CAST: variants seen among roughly 807,000 people sequenced by gnomAD.
CAST encodes calpastatin.
In CAST, 76 loss-of-function variants were observed where a neutral mutation model predicts 119.6. The observed-to-expected ratio is 0.64, with a 90% CI of 0.53 to 0.77. CAST has a LOEUF of 0.77. CAST is among the 30% of genes least tolerant of loss of function. The pLI, the probability that CAST is intolerant of heterozygous loss-of-function variation, is 0.00. For missense variants in CAST, 953 were observed against 946.5 expected (o/e 1.01, Z -0.09); for synonymous variants, 319 against 331.6 (o/e 0.96, Z 0.41).
At chr5:96,050,630 G>A in the CAST span, among the ~76,000 whole-genome samples, 2 of 152,240 alleles carry the variant, frequency 1.3e-5, no homozygotes, top group East Asian at 1.9e-4. Context: ...AAGAGTAGAC[G>A]TGGTTTTATT....
the CAST span, among the ~76,000 whole-genome samples, chr5:96,251,875 A>G: frequency 6.6e-6 from 1 of 152,184 alleles, no homozygotes; most frequent in Non-Finnish European, 1.5e-5. Flanking sequence ...AATGCTGACA[A>G]TTAACATCAC....
At chr5:96,009,014 T>TC in the CAST span, among the ~76,000 whole-genome samples, 11 of 152,274 alleles carry the variant, frequency 7.2e-5, no homozygotes, top group African/African-American at 2.6e-4. Context: ...TGTGATTATG[T>TC]CCATGTGTGC....
intron 25 of CAST, among the ~76,000 whole-genome samples, chr5:96,764,234 A>G (rs1043107560): frequency 1.3e-5 from 2 of 152,170 alleles, no homozygotes; most frequent in African/African-American, 4.8e-5. Flanking sequence ...CTAACATACA[A>G]CTAGTATTGT....
In CAST at chr5:96,662,472, C is replaced by T; in HGVS notation, c.50C>T (p.Ala17Val). The T allele has an allele frequency of 7.0e-7, 1 of 1,430,394 alleles. No individual in the cohort carries two copies. The highest frequency in any genetic ancestry group is 9.1e-7 in the Non-Finnish European group (1 of 1,096,036). The allele number at this position is 1,430,394 out of a possible 1,614,324, so 88.6% of individuals were successfully genotyped here. Residue 17 changes from alanine to valine, a missense_variant, in exon 1 of 32, where the codon GCA becomes GTA. Physicochemically the swap from Ala to Val is moderately conservative, Grantham distance 64. Transcript: ENST00000675179. ...KPAASPRPRR[A>V]AAARRTHEHV... Reference sequence around the variant, plus strand: ...GCCGCCTCCCCGCGGCCCCGGCGAGCAGCCGCCGCCCGCCGCACCCATGAG... The same window carrying T: ...GCCGCCTCCCCGCGGCCCCGGCGAGTAGCCGCCGCCCGCCGCACCCATGAG...
intron 3 of CAST, among the ~76,000 whole-genome samples, chr5:96,719,405 C>T (rs1396916618): frequency 2.6e-5 from 4 of 152,228 alleles, no homozygotes; most frequent in African/African-American, 9.6e-5. Context: ...AAGCTGTCCT[C>T]CCATCTCGGC....
the CAST span, among the ~76,000 whole-genome samples, chr5:96,024,294 C>T: frequency 1.3e-5 from 2 of 152,166 alleles, no homozygotes; most frequent in Non-Finnish European, 2.9e-5. Flanking sequence ...CAGAAGGTAG[C>T]GGTGGGGAGG....
the CAST span, among the ~76,000 whole-genome samples, chr5:96,353,887 A>C: frequency 6.3e-4 from 96 of 152,256 alleles, no homozygotes; most frequent in South Asian, 2.1e-3. Flanking sequence ...ATCTGTCTCT[A>C]TCTCGATCAT....
chr5:96,657,464 G>T (rs577546452), upstream of CAST, among the ~76,000 whole-genome samples: 11 of 152,076 alleles, frequency 7.2e-5, no homozygotes, highest in South Asian at 2.3e-3. Flanking sequence ...TGAGTGGGAG[G>T]GAGTAGGTTA....
chr5:96,501,430 A>G, the CAST span, among the ~76,000 whole-genome samples: 1 of 152,238 alleles, frequency 6.6e-6, no homozygotes, highest in Non-Finnish European at 1.5e-5. Flanking sequence ...AACAACGTTA[A>G]TATCTGACAA....
chr5:96,558,788 G>C (rs1399477776), intron 1 of CAST, among the ~76,000 whole-genome samples: 1 of 152,202 alleles, frequency 6.6e-6, no homozygotes, highest in Non-Finnish European at 1.5e-5. Flanking sequence ...ATGAGGAGGA[G>C]CTAGTACCAT....
chr5:96,220,927 G>T, the CAST span, among the ~76,000 whole-genome samples: 2 of 152,264 alleles, frequency 1.3e-5, 1 homozygote, highest in Admixed American at 1.3e-4. Flanking sequence ...AGGAAGAGTT[G>T]CATCACTCCC....
At chr5:96,453,847 C>T in the CAST span, among the ~76,000 whole-genome samples, 33 of 152,014 alleles carry the variant, frequency 2.2e-4, no homozygotes, top group South Asian at 5.4e-3. Context: ...CAAAGATAGA[C>T]AAAGTAGCAT....
chr5:96,364,609 G>A, the CAST span, among the ~76,000 whole-genome samples: 19 of 152,256 alleles, frequency 1.2e-4, no homozygotes, highest in East Asian at 1.3e-3. Context: ...GTTTGTTTGC[G>A]TAGAGCTGTT....
chr5:96,209,772 A>G, the CAST span, among the ~76,000 whole-genome samples: 2 of 143,838 alleles, frequency 1.4e-5, no homozygotes, highest in Non-Finnish European at 3.0e-5. Context: ...TTTTCCTTTT[A>G]TGTCAGTCTT....
chr5:96,512,519 T>G, the CAST span, among the ~76,000 whole-genome samples: 10 of 152,356 alleles, frequency 6.6e-5, no homozygotes, highest in East Asian at 1.3e-3. Flanking sequence ...TGACGGATAG[T>G]GGTCTCTTTG....
the CAST span, among the ~76,000 whole-genome samples, chr5:96,341,107 CAGA>C: frequency 6.6e-6 from 1 of 152,164 alleles, no homozygotes; most frequent in Non-Finnish European, 1.5e-5. Context: ...AGATTCTATG[CAGA>C]AGGATAATTT....
intron 1 of CAST, among the ~76,000 whole-genome samples, chr5:96,565,965 C>T (rs1580827401): frequency 1.3e-5 from 2 of 152,160 alleles, no homozygotes; most frequent in Admixed American, 1.3e-4. Context: ...GAGGTGGGAG[C>T]ACAATTTATC....
At chr5:96,747,952 G>T (rs1384494877) in intron 18 of CAST, among the ~76,000 whole-genome samples, 2 of 152,132 alleles carry the variant, frequency 1.3e-5, no homozygotes, top group Non-Finnish European at 2.9e-5. Flanking sequence ...CCAAGCCCAG[G>T]ACTTAGAACT....
chr5:96,047,806 G>A, the CAST span, among the ~76,000 whole-genome samples: 6 of 152,208 alleles, frequency 3.9e-5, no homozygotes, highest in Admixed American at 1.3e-4. Flanking sequence ...AAAACTGCAA[G>A]TGTGACAAGC....
Sources: gnomAD v4.1 joint callset for allele counts (sites outside exome capture counted in the v4.1 genomes callset) on GRCh38, gnomAD v4.1.1 for gene constraint, MANE v1.5 for transcripts, NCBI Gene and HGNC (gene_info 2026-07-23, HGNC 2026-07-21) for gene names.